The following SPRY3 variants were observed in gnomAD, a reference collection of about 807,000 sequenced individuals.
SPRY3 encodes sprouty RTK signaling antagonist 3, also known as protein sprouty homolog 3.
A neutral mutation model predicts 20.2 loss-of-function variants in SPRY3; 15 were observed. The observed-to-expected ratio is 0.74, with a 90% confidence interval of 0.50 to 1.14. The LOEUF (loss-of-function observed/expected upper bound fraction) is 1.14. Ranked by LOEUF, SPRY3 falls within the 50% of genes most tolerant of loss-of-function variation. The pLI, the probability that SPRY3 is intolerant of heterozygous loss-of-function variation, is 0.00. For missense variants in SPRY3, 364 were observed against 363.9 expected, an observed-to-expected ratio of 1.00 and a Z score of 0.00; for synonymous variants, 143 against 136.5, an observed-to-expected ratio of 1.05 and a Z score of -0.33.
chrX:155,648,877 C>T (rs2067966924), intron 1 of SPRY3, among the ~76,000 whole-genome samples: 1 of 110,847 alleles, frequency 9.0e-6, no homozygotes, highest in African/African-American at 3.3e-5. Flanking sequence ...ACTAGCCAGA[C>T]TAATAAAGAA....
intron 2 of SPRY3, among the ~76,000 whole-genome samples, chrX:155,730,250 C>A: frequency 6.6e-6 from 1 of 152,224 alleles, no homozygotes; most frequent in East Asian, 1.9e-4. Context: ...AAACTACAGG[C>A]CAACATCCCT....
chrX:155,737,101 T>C (rs1473159639), intron 2 of SPRY3, among the ~76,000 whole-genome samples: 1 of 152,192 alleles, frequency 6.6e-6, no homozygotes, highest in Non-Finnish European at 1.5e-5. Context: ...TTTTTGAATG[T>C]TGTTCACTTT....
At chrX:155,641,145 T>A (rs1281643511) in intron 1 of SPRY3, among the ~76,000 whole-genome samples, 1 of 111,912 alleles carries the variant, frequency 8.9e-6, no homozygotes, top group African/African-American at 3.2e-5. Context: ...AGTGTTGAAT[T>A]TTATCAAGTG....
At chrX:155,669,277 T>A (rs1479990755) in intron 2 of SPRY3, among the ~76,000 whole-genome samples, 1 of 111,583 alleles carries the variant, frequency 9.0e-6, no homozygotes, top group Non-Finnish European at 1.9e-5. Flanking sequence ...ATTTTCTGTT[T>A]TATATTACTT....
intron 2 of SPRY3, 138 bp from the exon 2 acceptor site, chrX:155,767,824 G>T (rs1362618359): frequency 5.9e-5 from 9 of 152,306 alleles, no homozygotes; most frequent in Non-Finnish European, 8.8e-5. Context: ...TGGGAAATAC[G>T]TCCATCAAGA....
chrX:155,710,952 G>A (rs2090982071), intron 2 of SPRY3, among the ~76,000 whole-genome samples: 4 of 151,602 alleles, frequency 2.6e-5, no homozygotes, highest in African/African-American at 9.7e-5. Context: ...TCATTCTGTT[G>A]CTGTATCACA....
intron 2 of SPRY3, among the ~76,000 whole-genome samples, chrX:155,670,837 C>A (rs142171107): frequency 2.7e-3 from 297 of 111,795 alleles, no homozygotes; most frequent in Middle Eastern, 9.3e-3. Context: ...GGGCTACAAG[C>A]CTTTTATTGC....
At chrX:155,767,685 G>GA (rs2091343336) in intron 2 of SPRY3, 1 of 102,976 alleles carries the variant, frequency 9.7e-6, no homozygotes, top group Non-Finnish European at 2.2e-5. Context: ...AGGAGAAAGA[G>GA]GCGGAGGAGG....
chrX:155,694,953 A>G (rs2068114249), intron 2 of SPRY3, among the ~76,000 whole-genome samples: 1 of 111,533 alleles, frequency 9.0e-6, no homozygotes, highest in African/African-American at 3.3e-5. Context: ...ACAGACTGGT[A>G]CTGCTTTGTG....
intron 2 of SPRY3, among the ~76,000 whole-genome samples, chrX:155,667,331 A>G (rs1326128205): frequency 9.0e-6 from 1 of 111,173 alleles, no homozygotes; most frequent in Non-Finnish European, 1.9e-5. Flanking sequence ...TGAAGGAGCC[A>G]TTTCAGGGAA....
intron 1 of SPRY3, among the ~76,000 whole-genome samples, chrX:155,634,165 G>T (rs1322319829): frequency 3.6e-5 from 4 of 111,069 alleles, no homozygotes; most frequent in Non-Finnish European, 7.5e-5. Context: ...CTTCTCACAT[G>T]CCTTACCTGG....
chrX:155,671,589 T>G (rs2068040883), intron 2 of SPRY3, among the ~76,000 whole-genome samples: 1 of 111,078 alleles, frequency 9.0e-6, no homozygotes, highest in South Asian at 3.7e-4. Flanking sequence ...TGTATGTATT[T>G]TTATATGTAT....
At chrX:155,627,938 G>A (rs1237929891) in intron 1 of SPRY3, among the ~76,000 whole-genome samples, 1 of 109,463 alleles carries the variant, frequency 9.1e-6, no homozygotes, top group Non-Finnish European at 1.9e-5. Flanking sequence ...TTAGTTTGCT[G>A]AAGATGATGA....
intron 2 of SPRY3, among the ~76,000 whole-genome samples, chrX:155,666,445 G>A (rs998088225): frequency 2.7e-5 from 3 of 110,509 alleles, no homozygotes; most frequent in Non-Finnish European, 3.8e-5. Context: ...TGACTACAAC[G>A]CTGAGAGTTG....
chrX:155,720,961 C>T (rs2091053668), intron 2 of SPRY3, among the ~76,000 whole-genome samples: 1 of 152,084 alleles, frequency 6.6e-6, no homozygotes, highest in South Asian at 2.1e-4. Flanking sequence ...AGGGACCAAT[C>T]CTGGAGAAAC....
intron 2 of SPRY3, among the ~76,000 whole-genome samples, chrX:155,714,607 G>T (rs1169689313): frequency 6.6e-6 from 1 of 152,124 alleles, no homozygotes; most frequent in South Asian, 2.1e-4. Context: ...AACTGTGCTG[G>T]GTCAGACCTG....
intron 2 of SPRY3, among the ~76,000 whole-genome samples, chrX:155,710,514 T>C (rs1318347432): frequency 6.6e-6 from 1 of 151,806 alleles, no homozygotes; most frequent in Non-Finnish European, 1.5e-5. Flanking sequence ...TGATTTTGTA[T>C]CCTGCAATGT....
chrX:155,753,716 G>C (rs1468131769), intron 2 of SPRY3, among the ~76,000 whole-genome samples: 2 of 151,976 alleles, frequency 1.3e-5, no homozygotes, highest in Admixed American at 6.6e-5. Flanking sequence ...CACCAGCAGT[G>C]TATGAGGCTT....
intron 3 of SPRY3, among the ~76,000 whole-genome samples, chrX:155,773,265 T>C (rs1603008852): frequency 6.7e-6 from 1 of 148,370 alleles, no homozygotes; most frequent in Non-Finnish European, 1.5e-5. Flanking sequence ...TCTGTTTATT[T>C]CTGCTTATCA....
Sources: allele counts gnomAD v4.1 joint callset (sites outside exome capture counted in the v4.1 genomes callset), GRCh38; gene constraint gnomAD v4.1.1; transcripts MANE v1.5; gene names NCBI Gene and HGNC (gene_info 2026-07-23, HGNC 2026-07-21).